SCRG1: variants seen among roughly 807,000 people sequenced by gnomAD.
SCRG1 encodes scrapie-responsive protein 1.
A neutral mutation model predicts 7.7 loss-of-function variants in SCRG1; 3 were observed. The ratio of observed to expected loss-of-function variants is 0.39; its 90% CI spans 0.18 to 1.01. The LOEUF (loss-of-function observed/expected upper bound fraction) is 1.01. Among genes scored for constraint, SCRG1 ranks in the 50% least tolerant of loss-of-function variants. SCRG1 has a pLI of 0.36. For synonymous variants in SCRG1, 46 were observed against 41.2 expected (o/e 1.12, Z -0.44); for missense variants, 110 against 117.2 (o/e 0.94, Z 0.28).
the SCRG1 span, among the ~76,000 whole-genome samples, chr4:173,419,063 T>C: frequency 2.0e-5 from 3 of 152,216 alleles, no homozygotes; most frequent in African/African-American, 7.2e-5. Flanking sequence ...CTAGTGTTAG[T>C]AGTGGCTGAG....
At chr4:173,493,616 G>GAAAAAAAA in the SCRG1 span, among the ~76,000 whole-genome samples, 1 of 95,690 alleles carries the variant, frequency 1.0e-5, no homozygotes. Context: ...GACTCAGTCA[G>GAAAAAAAA]AAAAAAAAAA....
chr4:173,482,939 G>T, the SCRG1 span, among the ~76,000 whole-genome samples: 1 of 127,680 alleles, frequency 7.8e-6, no homozygotes. Context: ...TATTATATAT[G>T]AAATATATAA....
At chr4:173,515,807 C>T in the SCRG1 span, among the ~76,000 whole-genome samples, 1 of 152,080 alleles carries the variant, frequency 6.6e-6, no homozygotes, top group Admixed American at 6.6e-5. The surrounding 1 kb of genome is among the most constrained non-coding windows in gnomAD (Gnocchi z 4.6). Context: ...CAAATCCAGG[C>T]ATTTACTTGC....
chr4:173,484,023 A>G, the SCRG1 span, among the ~76,000 whole-genome samples: 9 of 77,246 alleles, frequency 1.2e-4, no homozygotes, highest in South Asian at 3.1e-3. Context: ...ATAATATATT[A>G]TAATATACAT....
chr4:173,481,933 C>A, the SCRG1 span, among the ~76,000 whole-genome samples: 1 of 151,888 alleles, frequency 6.6e-6, no homozygotes, highest in African/African-American at 2.4e-5. Flanking sequence ...GGTGTCAGCA[C>A]CTCTGACCCT....
the SCRG1 span, among the ~76,000 whole-genome samples, chr4:173,450,837 C>G: frequency 3.4e-4 from 52 of 150,842 alleles, 2 homozygotes; most frequent in East Asian, 9.9e-3. Context: ...GGATGAGAAG[C>G]GAGACCCAGT....
chr4:173,490,670 C>A, the SCRG1 span, among the ~76,000 whole-genome samples: 1 of 152,146 alleles, frequency 6.6e-6, no homozygotes, highest in Non-Finnish European at 1.5e-5. Context: ...TGACTGTTTC[C>A]CCCTAGGCTT....
the SCRG1 span, among the ~76,000 whole-genome samples, chr4:173,483,759 TCATA>T: frequency 1.2e-4 from 7 of 57,592 alleles, 2 homozygotes; most frequent in Admixed American, 5.5e-4. Context: ...ATGTGATATA[TCATA>T]TATATGATAT....
chr4:173,491,453 C>A, the SCRG1 span, among the ~76,000 whole-genome samples: 9 of 152,214 alleles, frequency 5.9e-5, no homozygotes, highest in South Asian at 2.1e-4. Flanking sequence ...GTGTACTCCT[C>A]CTGCAGAGAT....
rs1739229607 is a variant in SCRG1 at position 173,385,843 on chromosome 4, C to T, written c.*2498G>A. Reference sequence around the variant, plus strand: ...TGGATCTTTAATGCTTTTTCCCCCTCAAGGAGAGTTCCTACCAAGTAGAAA... The same window carrying T: ...TGGATCTTTAATGCTTTTTCCCCCTTAAGGAGAGTTCCTACCAAGTAGAAA... On this transcript the variant is annotated 3_prime_UTR_variant, in exon 3 of 3. Coordinates refer to ENST00000296506, the MANE Select transcript of SCRG1 (RefSeq NM_007281.4). 1 of 152,132 alleles carries T rather than the reference C, an allele frequency of 6.6e-6. No homozygotes were observed. Among genetic ancestry groups the T allele is most frequent in the South Asian group, 2.1e-4 (1 of 4,832 alleles). 9.4% of individuals were successfully genotyped at this position (152,132 alleles called of 1,614,324 possible).
At chr4:173,498,086 T>C in the SCRG1 span, among the ~76,000 whole-genome samples, 8 of 152,224 alleles carry the variant, frequency 5.3e-5, no homozygotes, top group African/African-American at 1.7e-4. Context: ...TTGAATACTA[T>C]TCTGAACATT....
intron 2 of SCRG1, among the ~76,000 whole-genome samples, chr4:173,390,778 C>T (rs1325460542): frequency 2.0e-5 from 3 of 152,132 alleles, no homozygotes; most frequent in Admixed American, 6.5e-5. Context: ...CGTGAGCCAC[C>T]GGGCCCAGCC....
the SCRG1 span, among the ~76,000 whole-genome samples, chr4:173,510,357 C>G: frequency 2.0e-5 from 3 of 151,870 alleles, no homozygotes; most frequent in African/African-American, 7.3e-5. The surrounding 1 kb of genome is among the most constrained non-coding windows in gnomAD (Gnocchi z 5.7). Flanking sequence ...CCGATGGCTC[C>G]CAAGACAACT....
At chr4:173,393,085 C>T (rs1351907154) in intron 1 of SCRG1, among the ~76,000 whole-genome samples, 13 of 134,018 alleles carry the variant, frequency 9.7e-5, no homozygotes, top group South Asian at 2.4e-4. Flanking sequence ...AGCGAGACTC[C>T]GTCTCGAAAA....
the SCRG1 span, among the ~76,000 whole-genome samples, chr4:173,484,121 C>CCATATAT: frequency 6.2e-3 from 285 of 45,850 alleles, 3 homozygotes; most frequent in African/African-American, 0.021. Flanking sequence ...ATATAATATA[C>CCATATAT]AATATATAAT....
At chr4:173,400,886 G>A (rs1404110700), upstream of SCRG1, among the ~76,000 whole-genome samples, 1 of 152,096 alleles carries the variant, frequency 6.6e-6, no homozygotes, top group Non-Finnish European at 1.5e-5. Context: ...TTCATGATAC[G>A]ACTGAGAGCA....
chr4:173,462,153 T>C, the SCRG1 span, among the ~76,000 whole-genome samples: 2 of 152,060 alleles, frequency 1.3e-5, no homozygotes, highest in African/African-American at 4.8e-5. Context: ...AAACGGATAA[T>C]AGAAAACTTC....
intron 2 of SCRG1, chr4:173,389,484 C>G (rs1340524166): frequency 6.1e-6 from 1 of 163,878 alleles, no homozygotes; most frequent in Non-Finnish European, 1.3e-5. Context: ...TCCAGTGAGA[C>G]GAGATCGTGC....
chr4:173,471,893 GAGAT>G, the SCRG1 span, among the ~76,000 whole-genome samples: 1 of 152,192 alleles, frequency 6.6e-6, no homozygotes, highest in African/African-American at 2.4e-5. Context: ...ATTTTTAGTA[GAGAT>G]AGAGTTTCTC....
Sources: allele counts gnomAD v4.1 joint callset (sites outside exome capture counted in the v4.1 genomes callset), GRCh38; gene constraint gnomAD v4.1.1; non-coding constraint Gnocchi (gnomAD v3.1); transcripts MANE v1.5; gene names NCBI Gene and HGNC (gene_info 2026-07-23, HGNC 2026-07-21).